The following DSCAML1 variants were observed in gnomAD, a reference collection of about 807,000 sequenced individuals.
DSCAML1 encodes the protein DS cell adhesion molecule like 1.
DSCAML1 carries 38 observed loss-of-function variants against 200.5 expected under a neutral mutation model. That is an observed-to-expected ratio of 0.19 (90% CI 0.15 to 0.25). The LOEUF (loss-of-function observed/expected upper bound fraction) is 0.25, where lower values mean the gene tolerates loss of function less well. DSCAML1 is among the 10% of genes least tolerant of loss of function. DSCAML1 has a pLI of 1.00. For missense variants in DSCAML1, 2,223 were observed against 2,858.8 expected, an observed-to-expected ratio of 0.78 and a Z score of 5.07; for synonymous variants, 1,215 against 1,165.0, an observed-to-expected ratio of 1.04 and a Z score of -0.87.
chr11:117,815,035 TCGGGG>T (rs1287124585), intron 1 of DSCAML1, among the ~76,000 whole-genome samples: 3 of 152,232 alleles, frequency 2.0e-5, no homozygotes, highest in Admixed American at 6.5e-5. Context: ...TGCTCCTGGC[TCGGGG>T]CCAAGCCAGC....
chr11:117,678,111 C>T (rs530892872), intron 3 of DSCAML1, among the ~76,000 whole-genome samples: 2 of 152,320 alleles, frequency 1.3e-5, no homozygotes, highest in African/African-American at 2.4e-5. Context: ...AGAGAGAGGG[C>T]GGCTGACAAG....
intron 31 of DSCAML1, 41 bp downstream of exon 31, chr11:117,431,493 G>A (rs1396087135): frequency 4.0e-6 from 6 of 1,488,216 alleles, no homozygotes; most frequent in South Asian, 1.4e-5. Flanking sequence ...ATGGGGAACT[G>A]GGGGGAGGTG....
At chr11:117,765,786 C>A (rs1177661223) in intron 3 of DSCAML1, among the ~76,000 whole-genome samples, 1 of 152,140 alleles carries the variant, frequency 6.6e-6, no homozygotes, top group African/African-American at 2.4e-5. Flanking sequence ...AGGTTAAGAC[C>A]TTGGCCAGGG....
At chr11:117,566,552 G>T (rs369757305) in intron 3 of DSCAML1, among the ~76,000 whole-genome samples, 2 of 88,132 alleles carry the variant, frequency 2.3e-5, no homozygotes, top group African/African-American at 3.9e-5. Flanking sequence ...TTTTTGCCTT[G>T]GTTTTTTTTT....
intron 3 of DSCAML1, among the ~76,000 whole-genome samples, chr11:117,635,447 GGTGT>G (rs201976004): frequency 0.02 from 2,963 of 146,686 alleles, 54 homozygotes; most frequent in African/African-American, 0.05. Context: ...TAGTGTGTGT[GGTGT>G]GTGTGTGTGT....
chr11:117,557,637 G>A (rs938556359), intron 3 of DSCAML1, among the ~76,000 whole-genome samples: 2 of 152,238 alleles, frequency 1.3e-5, no homozygotes, highest in Non-Finnish European at 2.9e-5. Context: ...TTGGGTAGCC[G>A]GAAGAAAGAG....
At chr11:117,455,497 G>C (rs774017865) in intron 19 of DSCAML1, among the ~76,000 whole-genome samples, 3 of 152,214 alleles carry the variant, frequency 2.0e-5, no homozygotes, top group African/African-American at 4.8e-5. Flanking sequence ...GTATTCACAG[G>C]GGGAGGTTGA....
chr11:117,740,064 C>T (rs953730018), intron 3 of DSCAML1, among the ~76,000 whole-genome samples: 1 of 152,116 alleles, frequency 6.6e-6, no homozygotes, highest in Non-Finnish European at 1.5e-5. Context: ...TTCCAACAAC[C>T]AGATGTAGGC....
intron 3 of DSCAML1, among the ~76,000 whole-genome samples, chr11:117,616,761 A>G (rs895115888): frequency 3.3e-5 from 5 of 152,238 alleles, no homozygotes; most frequent in African/African-American, 1.2e-4. Context: ...TGAAAAGTCA[A>G]TAAGCTGTAT....
At chr11:117,594,291 G>A (rs2051319741) in intron 3 of DSCAML1, among the ~76,000 whole-genome samples, 1 of 152,214 alleles carries the variant, frequency 6.6e-6, no homozygotes, top group Non-Finnish European at 1.5e-5. Flanking sequence ...ATACCTGTGG[G>A]TCTATCCTAG....
chr11:117,689,999 G>T (rs1179304007), intron 3 of DSCAML1, among the ~76,000 whole-genome samples: 2 of 152,146 alleles, frequency 1.3e-5, no homozygotes, highest in Non-Finnish European at 2.9e-5. Flanking sequence ...TCTAGCCGGA[G>T]GTGTTCTTGT....
At chr11:117,633,734 A>C (rs183641843) in intron 3 of DSCAML1, among the ~76,000 whole-genome samples, 3 of 152,348 alleles carry the variant, frequency 2.0e-5, no homozygotes, top group Non-Finnish European at 2.9e-5. Flanking sequence ...GGGGGAAGAC[A>C]CTTGTCTGTT....
intron 3 of DSCAML1, among the ~76,000 whole-genome samples, chr11:117,656,996 G>T (rs2052748401): frequency 6.6e-6 from 1 of 152,184 alleles, no homozygotes; most frequent in African/African-American, 2.4e-5. Flanking sequence ...TACATGTTGA[G>T]TTATATAAGG....
chr11:117,648,811 A>G (rs1192311754), intron 3 of DSCAML1, among the ~76,000 whole-genome samples: 1 of 152,202 alleles, frequency 6.6e-6, no homozygotes, highest in Non-Finnish European at 1.5e-5. Context: ...CGCCTTCTCC[A>G]GAGATAGGAG....
chr11:117,645,602 G>T (rs909641215), intron 3 of DSCAML1, among the ~76,000 whole-genome samples: 1 of 151,924 alleles, frequency 6.6e-6, no homozygotes, highest in Non-Finnish European at 1.5e-5. Flanking sequence ...CTTTTGTAGG[G>T]ACATGGATGA....
Position 117,713,201 on chromosome 11 carries a change from T to TTTCTCCTGCCTTCAAGCAA in DSCAML1, c.511+63571_511+63589dup, listed in dbSNP as rs1157212225. 2.0e-5 allele frequency among the ~76,000 whole-genome samples: 3 copies of TTTCTCCTGCCTTCAAGCAA among 152,200 alleles called. No homozygotes were observed. The East Asian group carries it at 5.8e-4, about 29-fold the overall frequency. ...GACCTCCACCTTCTGGGTTCAAGCA[T>TTTCTCCTGCCTTCAAGCAA]TTCTCCTGCCTTCAAGCAATTCTCC... is the stretch of plus-strand genomic sequence containing the variant. On this transcript the variant is annotated intron_variant, in intron 3 of 32. Transcript: ENST00000651296.
intron 14 of DSCAML1, among the ~76,000 whole-genome samples, chr11:117,477,355 T>A (rs2048815771): frequency 2.2e-5 from 1 of 46,300 alleles, no homozygotes; most frequent in Admixed American, 2.2e-4. Flanking sequence ...TGAAAGTGTG[T>A]GTGTGTGTGT....
At chr11:117,646,916 A>G (rs922601583) in intron 3 of DSCAML1, among the ~76,000 whole-genome samples, 1 of 152,104 alleles carries the variant, frequency 6.6e-6, no homozygotes, top group African/African-American at 2.4e-5. Context: ...ATCACAAATT[A>G]TCAAATTTCA....
At chr11:117,625,287 C>T (rs928155110) in intron 3 of DSCAML1, among the ~76,000 whole-genome samples, 1 of 152,140 alleles carries the variant, frequency 6.6e-6, no homozygotes, top group Non-Finnish European at 1.5e-5. Flanking sequence ...CCACCTACTT[C>T]CTAACACCTG....
Sources: allele counts gnomAD v4.1 joint callset (sites outside exome capture counted in the v4.1 genomes callset), GRCh38; gene constraint gnomAD v4.1.1; transcripts MANE v1.5; gene names NCBI Gene and HGNC (gene_info 2026-07-23, HGNC 2026-07-21).